Variants in YEATS4 observed in about 807,000 individuals in gnomAD.
YEATS4 encodes YEATS domain-containing protein 4.
In YEATS4, 17 loss-of-function variants were observed where a neutral mutation model predicts 30.1. That is an observed-to-expected ratio of 0.56 (90% confidence interval 0.39 to 0.85). The LOEUF is 0.85. Among genes scored for constraint, YEATS4 ranks in the 40% least tolerant of loss-of-function variants. The pLI, the probability that YEATS4 is intolerant of heterozygous loss-of-function variation, is 0.00. For missense variants in YEATS4, 142 were observed against 268.3 expected (o/e 0.53, Z 3.29); for synonymous variants, 85 against 87.5 (o/e 0.97, Z 0.16).
the YEATS4 span, among the ~76,000 whole-genome samples, chr12:69,400,697 T>TA: frequency 4.9e-3 from 658 of 135,180 alleles, 3 homozygotes; most frequent in Non-Finnish European, 6.5e-3. Context: ...TTAAAAAGTT[T>TA]AAAAAAAAAA....
chr12:69,416,223 A>G, the YEATS4 span, among the ~76,000 whole-genome samples: 1 of 152,228 alleles, frequency 6.6e-6, no homozygotes, highest in Non-Finnish European at 1.5e-5. Flanking sequence ...CTAAGAATTC[A>G]GCCTGGTGAA....
intron 6 of YEATS4, among the ~76,000 whole-genome samples, chr12:69,385,551 C>G (rs901680813): frequency 1.3e-5 from 2 of 151,936 alleles, no homozygotes; most frequent in African/African-American, 4.8e-5. Context: ...AAAAGGAAAC[C>G]GAGGTATAAG....
chr12:69,426,452 C>T, the YEATS4 span, among the ~76,000 whole-genome samples: 2 of 152,168 alleles, frequency 1.3e-5, no homozygotes, highest in Non-Finnish European at 2.9e-5. Flanking sequence ...CTCACTGCAA[C>T]CTCTGCCTCC....
chr12:69,375,456 C>T (rs145697453), intron 6 of YEATS4, among the ~76,000 whole-genome samples: 1,542 of 133,716 alleles, frequency 0.012, 28 homozygotes, highest in African/African-American at 0.043. Flanking sequence ...ACATCCCAGA[C>T]GATGGGCGGC....
the YEATS4 span, among the ~76,000 whole-genome samples, chr12:69,408,657 AC>A: frequency 6.6e-6 from 1 of 152,176 alleles, no homozygotes; most frequent in African/African-American, 2.4e-5. Flanking sequence ...TCATGGTGAT[AC>A]AATTGATGAT....
chr12:69,362,013 G>GTTTTTTTTTTT lies in YEATS4; in HGVS notation c.52-764_52-754dup, dbSNP rs533225716. Among the ~76,000 whole-genome samples, 70 of 69,040 alleles carry GTTTTTTTTTTT rather than the reference G, an allele frequency of 1.0e-3. 3 individuals carry two copies. Among genetic ancestry groups the GTTTTTTTTTTT allele is most frequent in the African/African-American group, 3.2e-3 (64 of 20,100 alleles). 45.3% of individuals were successfully genotyped at this position (69,040 alleles called of 152,430 possible). The stretch of plus-strand genomic sequence containing the variant: ...TTTTTAAATTGTAGGGTGTTTGGTT[G>GTTTTTTTTTTT]TTTTTTTTTTTTTTTTTTTTTGGAG... On this transcript the variant is annotated intron_variant, in intron 1 of 6. Coordinates refer to ENST00000247843, the MANE Select transcript of YEATS4 (RefSeq NM_006530.4).
the YEATS4 span, among the ~76,000 whole-genome samples, chr12:69,408,973 T>A: frequency 1.3e-5 from 2 of 152,128 alleles, no homozygotes; most frequent in East Asian, 3.9e-4. Flanking sequence ...TGAACTTGAG[T>A]AGGTTACTGG....
At chr12:69,370,127 T>C (rs1039580452) in intron 4 of YEATS4, among the ~76,000 whole-genome samples, 1 of 152,226 alleles carries the variant, frequency 6.6e-6, no homozygotes, top group Non-Finnish European at 1.5e-5. Context: ...TTTGCTGAAA[T>C]AATCACACAT....
chr12:69,407,772 A>T, the YEATS4 span, among the ~76,000 whole-genome samples: 4 of 118,186 alleles, frequency 3.4e-5, no homozygotes, highest in African/African-American at 1.3e-4. Flanking sequence ...GCTGGAGTGC[A>T]ATGGTGCAAT....
intron 2 of YEATS4, 125 bp downstream of exon 2, chr12:69,363,032 G>C (rs1338273335): frequency 1.1e-6 from 1 of 903,722 alleles, no homozygotes; most frequent in Non-Finnish European, 1.4e-6. Context: ...TTGCTCTGTC[G>C]CCCAGGCTGG....
chr12:69,379,217 G>A (rs1198202726), intron 6 of YEATS4, among the ~76,000 whole-genome samples: 1 of 152,050 alleles, frequency 6.6e-6, no homozygotes, highest in African/African-American at 2.4e-5. Flanking sequence ...TTATGAGTTT[G>A]ATTATAAACT....
At chr12:69,377,541 G>A (rs1331178647) in intron 6 of YEATS4, among the ~76,000 whole-genome samples, 1 of 152,116 alleles carries the variant, frequency 6.6e-6, no homozygotes, top group African/African-American at 2.4e-5. Flanking sequence ...GATTATAGGT[G>A]TGAGCCTCTG....
At chr12:69,409,615 T>TA in the YEATS4 span, among the ~76,000 whole-genome samples, 373 of 142,394 alleles carry the variant, frequency 2.6e-3, 1 homozygote, top group African/African-American at 6.8e-3. Flanking sequence ...AGACTCTGTT[T>TA]AAAAAAAAAA....
intron 1 of YEATS4, among the ~76,000 whole-genome samples, chr12:69,360,236 C>A (rs1004119055): frequency 6.6e-6 from 1 of 152,110 alleles, no homozygotes; most frequent in Non-Finnish European, 1.5e-5. Context: ...CTCCCACCCC[C>A]GCCAAAAAAC....
At chr12:69,406,639 C>T in the YEATS4 span, among the ~76,000 whole-genome samples, 3 of 152,010 alleles carry the variant, frequency 2.0e-5, no homozygotes, top group East Asian at 1.9e-4. Flanking sequence ...TTTCTGTGAA[C>T]GGCCATGTAA....
chr12:69,379,172 T>C (rs916948522), intron 6 of YEATS4, among the ~76,000 whole-genome samples: 1 of 152,196 alleles, frequency 6.6e-6, no homozygotes, highest in Non-Finnish European at 1.5e-5. Context: ...TATTTCCTCT[T>C]GTTGTTTTTA....
chr12:69,411,628 T>C, the YEATS4 span, among the ~76,000 whole-genome samples: 1 of 151,932 alleles, frequency 6.6e-6, no homozygotes, highest in Non-Finnish European at 1.5e-5. Context: ...GAATTGGGAG[T>C]ACTGGAGGGG....
chr12:69,392,426 A>G (rs1322033614), downstream of YEATS4, among the ~76,000 whole-genome samples: 1 of 152,262 alleles, frequency 6.6e-6, no homozygotes, highest in East Asian at 1.9e-4. Flanking sequence ...AAAAACTTGT[A>G]CATCAATGTT....
rs17106467 is a variant in YEATS4 at position 69,359,743 on chromosome 12, C to G, written c.-230C>G. 136 of 548,602 alleles carry G rather than the reference C, an allele frequency of 2.5e-4. No homozygotes were observed. The highest frequency in any genetic ancestry group is 6.0e-4 in the Admixed American group (17 of 28,476). 34.0% of individuals were successfully genotyped at this position (548,602 alleles called of 1,614,324 possible). ...CCTGCGCGCGGTGCGGCCGTCGCCC[C>G]TCTTTTCGCGGCGTTCTCCACCTGC... is the stretch of plus-strand genomic sequence containing the variant. On this transcript the variant is annotated 5_prime_UTR_variant, in exon 1 of 7. Transcript: ENST00000247843.
Sources: gnomAD v4.1 joint callset for allele counts (sites outside exome capture counted in the v4.1 genomes callset) on GRCh38, gnomAD v4.1.1 for gene constraint, MANE v1.5 for transcripts, NCBI Gene and HGNC (gene_info 2026-07-23, HGNC 2026-07-21) for gene names.